SLC25A21: variants seen among roughly 807,000 people sequenced by gnomAD.
SLC25A21 encodes mitochondrial 2-oxodicarboxylate carrier.
In SLC25A21, 47 loss-of-function variants were observed where a neutral mutation model predicts 43.8. The observed-to-expected ratio is 1.07, with a 90% CI of 0.85 to 1.37. The LOEUF (loss-of-function observed/expected upper bound fraction) is 1.37. Ranked by LOEUF, SLC25A21 falls within the 40% of genes most tolerant of loss-of-function variation. SLC25A21 has a pLI of 0.00. For synonymous variants in SLC25A21, 131 were observed against 121.3 expected (o/e 1.08, Z -0.52); for missense variants, 352 against 350.2 (o/e 1.00, Z -0.04).
chr14:36,814,578 T>A (rs1257203042), intron 2 of SLC25A21, among the ~76,000 whole-genome samples: 1 of 152,192 alleles, frequency 6.6e-6, no homozygotes, highest in African/African-American at 2.4e-5. Context: ...ATCCTCATCA[T>A]CACTAGTCAA....
intron 1 of SLC25A21, among the ~76,000 whole-genome samples, chr14:36,908,103 G>T (rs1464203311): frequency 6.6e-6 from 1 of 152,054 alleles, no homozygotes; most frequent in Non-Finnish European, 1.5e-5. Flanking sequence ...GGGGCACAGA[G>T]GATTTTTAGG....
At chr14:36,704,203 A>G (rs1883399072) in intron 7 of SLC25A21, among the ~76,000 whole-genome samples, 11 of 152,208 alleles carry the variant, frequency 7.2e-5, no homozygotes, top group Admixed American at 7.2e-4. Context: ...CGGTGTTTCT[A>G]TGGATTACAG....
intron 1 of SLC25A21, among the ~76,000 whole-genome samples, chr14:36,931,618 G>A (rs958994536): frequency 2.6e-5 from 4 of 152,054 alleles, no homozygotes; most frequent in Non-Finnish European, 5.9e-5. Context: ...AAATGGAAGG[G>A]GAACATTATT....
At chr14:36,792,928 C>T (rs1268503760) in intron 3 of SLC25A21, among the ~76,000 whole-genome samples, 1 of 152,146 alleles carries the variant, frequency 6.6e-6, no homozygotes, top group Admixed American at 6.5e-5. Flanking sequence ...CTATACCCCA[C>T]ATCTTAAAAG....
chr14:36,979,366 T>C (rs908348107), intron 1 of SLC25A21, among the ~76,000 whole-genome samples: 4 of 151,138 alleles, frequency 2.6e-5, no homozygotes, highest in African/African-American at 9.8e-5. Context: ...TGTTTGTTTG[T>C]TTGTTTTGAG....
chr14:36,954,287 C>T (rs1959274522), intron 1 of SLC25A21, among the ~76,000 whole-genome samples: 1 of 152,088 alleles, frequency 6.6e-6, no homozygotes, highest in African/African-American at 2.4e-5. Context: ...CAACTGGCCT[C>T]TCCACCTTTG....
intron 2 of SLC25A21, among the ~76,000 whole-genome samples, chr14:36,838,614 T>G (rs1276452949): frequency 6.6e-6 from 1 of 152,124 alleles, no homozygotes; most frequent in Non-Finnish European, 1.5e-5. Context: ...AAAATCAACG[T>G]TAGAGACAGG....
intron 1 of SLC25A21, among the ~76,000 whole-genome samples, chr14:37,058,025 C>T (rs1007552947): frequency 5.2e-4 from 79 of 152,160 alleles, no homozygotes; most frequent in African/African-American, 1.5e-3. Flanking sequence ...GGAATATGTT[C>T]ATGAGATGTT....
chr14:36,843,359 T>C (rs1351558883), intron 2 of SLC25A21, among the ~76,000 whole-genome samples: 1 of 152,172 alleles, frequency 6.6e-6, no homozygotes, highest in Non-Finnish European at 1.5e-5. Flanking sequence ...AGGACATGCA[T>C]GACAGCTGAC....
chr14:36,865,325 C>G (rs941145085), intron 2 of SLC25A21, among the ~76,000 whole-genome samples: 2 of 152,124 alleles, frequency 1.3e-5, no homozygotes, highest in African/African-American at 4.8e-5. Flanking sequence ...TTTCACCCCT[C>G]AGAGCCATTT....
At chr14:36,913,177 T>G (rs941014359) in intron 1 of SLC25A21, among the ~76,000 whole-genome samples, 2 of 152,252 alleles carry the variant, frequency 1.3e-5, no homozygotes, top group African/African-American at 4.8e-5. Flanking sequence ...AGAAAATTCC[T>G]AATACAAAGG....
At chr14:36,925,780 G>C (rs930044697) in intron 1 of SLC25A21, among the ~76,000 whole-genome samples, 1 of 152,210 alleles carries the variant, frequency 6.6e-6, no homozygotes, top group African/African-American at 2.4e-5. Context: ...CCAGGGGGCA[G>C]AGGTTGTAGT....
chr14:36,816,181 T>C lies in SLC25A21; in HGVS notation c.120-2180A>G, dbSNP rs1888449076. 2.6e-5 allele frequency among the ~76,000 whole-genome samples: 4 copies of C among 152,078 alleles called. No homozygotes were observed. In the South Asian group the frequency reaches 8.3e-4, roughly 32 times the overall value. Reference sequence around the variant, plus strand: ...TTTTGTAAAGTGGAAAGTTGCTAGATGTGTTTGTGAAGAAGTACTGAACAG... The same window carrying C: ...TTTTGTAAAGTGGAAAGTTGCTAGACGTGTTTGTGAAGAAGTACTGAACAG... On this transcript the variant is annotated intron_variant, in intron 2 of 9. Transcript: ENST00000331299.
At chr14:36,910,304 A>G (rs1473525483) in intron 1 of SLC25A21, among the ~76,000 whole-genome samples, 3 of 152,146 alleles carry the variant, frequency 2.0e-5, no homozygotes, top group South Asian at 2.1e-4. Flanking sequence ...TCTATAAAGT[A>G]TCAAAGCCTA....
At position 36,678,346 on chromosome 14, in the gene SLC25A21, TA is replaced by T; in HGVS notation, c.*2311del. The T allele has an allele frequency of 3.9e-6, 3 of 769,436 alleles. No individual in the cohort carries two copies. The highest frequency in any genetic ancestry group is 1.7e-5 in the South Asian group (1 of 58,874). 47.7% of individuals were successfully genotyped at this position (769,436 alleles called of 1,614,324 possible). A position where few individuals can be genotyped will look rare whatever the true frequency, so the allele number is the denominator to read the frequency against. ...GAGAGCTTTGAACTGCATTTATTTC[TA>T]AAGCAACCGAAATTCAGTGCTACAA... On this transcript the variant is annotated 3_prime_UTR_variant, in exon 10 of 10. Transcript: ENST00000331299.
intron 1 of SLC25A21, among the ~76,000 whole-genome samples, chr14:37,057,343 T>C (rs1208987991): frequency 2.6e-5 from 4 of 152,238 alleles, no homozygotes; most frequent in Admixed American, 1.3e-4. Flanking sequence ...TTATATAGTA[T>C]ATTTTTCCTC....
chr14:36,693,140 T>C (rs1027568509), intron 7 of SLC25A21, among the ~76,000 whole-genome samples: 1 of 152,244 alleles, frequency 6.6e-6, no homozygotes, highest in East Asian at 1.9e-4. Flanking sequence ...ATTGTAGTAA[T>C]ACATTTTTGA....
chr14:36,907,548 T>C (rs1393486444), intron 1 of SLC25A21, among the ~76,000 whole-genome samples: 1 of 152,188 alleles, frequency 6.6e-6, no homozygotes, highest in Non-Finnish European at 1.5e-5. Flanking sequence ...TAAAAATACA[T>C]TGCCACCAAC....
chr14:36,976,912 T>A (rs564598771), intron 1 of SLC25A21, among the ~76,000 whole-genome samples: 2 of 152,306 alleles, frequency 1.3e-5, no homozygotes, highest in East Asian at 3.9e-4. Flanking sequence ...GGACCCCATT[T>A]CCCACCAGCT....
Sources: gnomAD v4.1 joint callset for allele counts (sites outside exome capture counted in the v4.1 genomes callset) on GRCh38, gnomAD v4.1.1 for gene constraint, MANE v1.5 for transcripts, NCBI Gene and HGNC (gene_info 2026-07-23, HGNC 2026-07-21) for gene names.